Variants in ECSIT observed in about 807,000 individuals in gnomAD.
The protein encoded by ECSIT is ECSIT signaling integrator.
In ECSIT, 29 loss-of-function variants were observed where a neutral mutation model predicts 36.8. The ratio of observed to expected loss-of-function variants is 0.79; its 90% CI spans 0.59 to 1.08. The LOEUF (loss-of-function observed/expected upper bound fraction) is 1.08, where lower values mean the gene tolerates loss of function less well. ECSIT is among the 50% of genes least tolerant of loss of function. The pLI, the probability that ECSIT is intolerant of heterozygous loss-of-function variation, is 0.00. For synonymous variants in ECSIT, 231 were observed against 234.8 expected, an observed-to-expected ratio of 0.98 and a Z score of 0.15; for missense variants, 542 against 581.0, an observed-to-expected ratio of 0.93 and a Z score of 0.69.
intron 7 of ECSIT, among the ~76,000 whole-genome samples, 180 bp downstream of exon 7, chr19:11,507,277 T>A (rs1396988412): frequency 1.4e-5 from 2 of 148,110 alleles, no homozygotes; most frequent in Admixed American, 6.6e-5. Context: ...TGTCCAGGTT[T>A]TTGCCTTTTT....
At chr19:11,513,668 G>C in intron 3 of ECSIT, 136 bp downstream of exon 3, 3 of 1,068,794 alleles carry the variant, frequency 2.8e-6, no homozygotes, top group Non-Finnish European at 4.2e-6. Flanking sequence ...GTGATGAAAA[G>C]AGGGATTCGG....
chr19:11,514,757 A>G (rs1380941269), intron 2 of ECSIT, among the ~76,000 whole-genome samples: 1 of 152,028 alleles, frequency 6.6e-6, no homozygotes, highest in East Asian at 1.9e-4. Context: ...GCCTGGCTTC[A>G]AGTGATCATC....
intron 1 of ECSIT, among the ~76,000 whole-genome samples, chr19:11,528,448 T>C (rs1283912999): frequency 6.6e-6 from 1 of 152,172 alleles, no homozygotes; most frequent in African/African-American, 2.4e-5. Flanking sequence ...TCTTGCTATG[T>C]TGCCAAGGCT....
At chr19:11,527,320 G>A (rs77291470) in intron 1 of ECSIT, among the ~76,000 whole-genome samples, 2 of 152,038 alleles carry the variant, frequency 1.3e-5, no homozygotes, top group African/African-American at 2.4e-5. Flanking sequence ...AGATTCCATC[G>A]CTAAATAAAT....
chr19:11,526,232 G>A (rs937329738), intron 1 of ECSIT, among the ~76,000 whole-genome samples: 4 of 152,068 alleles, frequency 2.6e-5, no homozygotes, highest in African/African-American at 9.7e-5. Flanking sequence ...CAAAGTGCTG[G>A]GATTACAGGC....
At chr19:11,509,683 G>A (rs375034835) in intron 4 of ECSIT, among the ~76,000 whole-genome samples, 2 of 151,398 alleles carry the variant, frequency 1.3e-5, no homozygotes, top group South Asian at 2.1e-4. Context: ...CACAAGAATT[G>A]CTTGAACCTG....
At chr19:11,514,354 C>T in intron 2 of ECSIT, 133 bp from the exon 3 acceptor site, 1 of 861,072 alleles carries the variant, frequency 1.2e-6, no homozygotes, top group African/African-American at 1.7e-5. Context: ...TGGTTACAAA[C>T]CCAAGATTCG....
At chr19:11,520,602 C>T (rs1386947557) in intron 1 of ECSIT, among the ~76,000 whole-genome samples, 2 of 152,028 alleles carry the variant, frequency 1.3e-5, no homozygotes, top group Non-Finnish European at 2.9e-5. Context: ...GCAACCTCTG[C>T]TTTCCGGGCT....
At chr19:11,508,158 G>C (rs1971796516) in intron 4 of ECSIT, 110 bp from the exon 5 acceptor site, 2 of 1,332,698 alleles carry the variant, frequency 1.5e-6, no homozygotes, top group Non-Finnish European at 2.2e-6. Context: ...ACCTCTCCTG[G>C]ATCTGGTACA....
At chr19:11,516,946 C>T (rs1450342423) in intron 2 of ECSIT, among the ~76,000 whole-genome samples, 2 of 151,906 alleles carry the variant, frequency 1.3e-5, no homozygotes, top group Non-Finnish European at 2.9e-5. Context: ...TTGAGACTGG[C>T]GGGTCGAGGT....
At chr19:11,518,322 C>T (rs376600609) in intron 2 of ECSIT, among the ~76,000 whole-genome samples, 1 of 151,880 alleles carries the variant, frequency 6.6e-6, no homozygotes, top group Non-Finnish European at 1.5e-5. Context: ...AGCTACTCGG[C>T]AGGCTGAGGC....
chr19:11,523,317 T>TTA lies in ECSIT; in HGVS notation c.-23-4126_-23-4125dup, dbSNP rs1012643418. The TTA allele has an allele frequency of 6.2e-4, 162 of 262,036 alleles. 1 individual carries two copies. The highest frequency in any genetic ancestry group is 1.6e-3 in the African/African-American group (73 of 44,628). 16.2% of individuals were successfully genotyped at this position (262,036 alleles called of 1,614,324 possible). On this transcript the variant is annotated intron_variant, in intron 1 of 7. Coordinates refer to ENST00000270517, the MANE Select transcript of ECSIT (RefSeq NM_016581.5). ...TTCAGCTTATTGTAAGATTATAGTA[T>TTA]TATATATATATATAACATTAAAAAA...
At chr19:11,511,532 T>A (rs1251046252) in intron 4 of ECSIT, among the ~76,000 whole-genome samples, 1 of 152,088 alleles carries the variant, frequency 6.6e-6, no homozygotes, top group African/African-American at 2.4e-5. Context: ...GTGGTGAGAA[T>A]TGGCACAGAA....
chr19:11,508,679 A>G (rs1971809593), intron 4 of ECSIT, among the ~76,000 whole-genome samples: 1 of 152,016 alleles, frequency 6.6e-6, no homozygotes, highest in African/African-American at 2.4e-5. Flanking sequence ...CGGCCTCCCA[A>G]GTAGCTGGGA....
rs11673266 is a variant in ECSIT at position 11,516,986 on chromosome 19, T to G, written c.96+2089A>C. ...GTGAGCCAAGATCACGCCACTACAC[T>G]CCAGCATGGGCAACAGAGCGAGACC... On this transcript the variant is annotated intron_variant, in intron 2 of 7. Coordinates refer to ENST00000270517, the MANE Select transcript of ECSIT (RefSeq NM_016581.5). Among the ~76,000 whole-genome samples the G allele has an allele frequency of 3.8e-3, 578 of 151,656 alleles. 6 individuals carry two copies. Among genetic ancestry groups the G allele is most frequent in the Non-Finnish European group, 6.0e-3 (409 of 67,872 alleles).
intron 7 of ECSIT, among the ~76,000 whole-genome samples, chr19:11,507,244 T>A (rs1300690558): frequency 6.6e-6 from 1 of 151,524 alleles, no homozygotes; most frequent in African/African-American, 2.4e-5. Context: ...TGGGTGGTGT[T>A]TGGAATGTTT....
At chr19:11,523,213 C>G (rs1400337604) in intron 1 of ECSIT, among the ~76,000 whole-genome samples, 2 of 152,112 alleles carry the variant, frequency 1.3e-5, no homozygotes, top group Non-Finnish European at 2.9e-5. Flanking sequence ...GAATGAAGAC[C>G]TTTATGATGA....
In ECSIT at chr19:11,514,042, C is replaced by G; in HGVS notation, c.276G>C (p.Thr92=). 6.2e-7 allele frequency: 1 copy of G among 1,614,194 alleles called. No individual in the cohort carries two copies. Among genetic ancestry groups the G allele is most frequent in the African/African-American group, 1.3e-5 (1 of 75,068 alleles). The change falls in exon 3 of 8, where the codon ACG becomes ACC. Residue 92 remains threonine (T), a synonymous_variant. Coordinates refer to ENST00000270517, the MANE Select transcript of ECSIT (RefSeq NM_016581.5). ...GERDKASFLQ[T]VQKFAEHSVR... is the part of the protein sequence containing the mutation. ...CGCTGTGCTCCGCAAATTTCTGCAC[C>G]GTCTGCAGGAAGCTCGCCTTGTCCC...
In ECSIT at chr19:11,519,256, C is replaced by T; in HGVS notation, c.-23-63G>A. 8.7e-7 allele frequency: 1 copy of T among 1,143,926 alleles called. No homozygotes were observed. The highest frequency in any genetic ancestry group is 1.3e-5 in the South Asian group (1 of 76,014). The allele number at this position is 1,143,926 out of a possible 1,614,324, so 70.9% of individuals were successfully genotyped here. A position where few individuals can be genotyped will look rare whatever the true frequency, so the allele number is the denominator to read the frequency against. On this transcript the variant is annotated intron_variant, in intron 1 of 7. Transcript: ENST00000270517. This position sits in a 1 kb window ranked among gnomAD's most constrained non-coding sequence, Gnocchi z 4.4. The stretch of plus-strand genomic sequence containing the variant: ...TACAGATGCTAACAGACGCAAGGGC[C>T]CCGCAGGGTCGAGGGCACACTCCAG...
Sources: gnomAD v4.1 joint callset for allele counts (sites outside exome capture counted in the v4.1 genomes callset) on GRCh38, gnomAD v4.1.1 for gene constraint, Gnocchi (gnomAD v3.1) non-coding constraint, MANE v1.5 for transcripts, NCBI Gene and HGNC (gene_info 2026-07-23, HGNC 2026-07-21) for gene names.